Variants in AASDH observed in about 807,000 individuals in gnomAD.
AASDH encodes aminoadipate-semialdehyde dehydrogenase, also known as beta-alanine-activating enzyme.
A neutral mutation model predicts 102.3 loss-of-function variants in AASDH; 81 were observed. That is an observed-to-expected ratio of 0.79 (90% CI 0.66 to 0.95). AASDH has a LOEUF of 0.95. Among genes scored for constraint, AASDH ranks in the 40% least tolerant of loss-of-function variants. The probability of loss-of-function intolerance (pLI) is 0.00; values close to 1 mark genes in which losing one functional copy is unlikely to be tolerated. For synonymous variants in AASDH, 398 were observed against 454.0 expected (o/e 0.88, Z 1.57); for missense variants, 1,203 against 1,266.2 (o/e 0.95, Z 0.76).
chr4:56,351,494 A>T (rs1748992645), intron 9 of AASDH, 37 bp from the exon 10 acceptor site: 1 of 1,205,850 alleles, frequency 8.3e-7, no homozygotes, highest in Non-Finnish European at 1.2e-6. Context: ...GTTTTAAAAC[A>T]TTTTAAAATT....
Position 56,342,976 on chromosome 4 carries a change from GA to G in AASDH, c.2776-11del. On this transcript the variant is annotated splice_polypyrimidine_tract_variant and intron_variant, in intron 13 of 14. Coordinates refer to ENST00000205214, the MANE Select transcript of AASDH (RefSeq NM_181806.4). ...TAACGTTCCCAGTAGCCTGTCACAG[GA>G]AAAAGCAATTCACAGCATTTTATGT... 3.8e-6 allele frequency: 6 copies of G among 1,561,614 alleles called. No individual in the cohort carries two copies. Among genetic ancestry groups the G allele is most frequent in the Admixed American group, 1.9e-5 (1 of 51,312 alleles).
Position 56,343,643 on chromosome 4 carries a change from G to A in AASDH, c.2694C>T (p.Val898=). The part of the protein sequence containing the change: ...CVWKSKCGGT[V]FSSPCLNLIP... Reference sequence around the variant, plus strand: ...TCAGGTTCAAACACGGAGAGGAAAAGACAGTTCCTCCACATTTTGACTTCC... The same window carrying A: ...TCAGGTTCAAACACGGAGAGGAAAAAACAGTTCCTCCACATTTTGACTTCC... Residue 898 remains valine (V), a synonymous_variant, in exon 13 of 15, where the codon GTC becomes GTT. Coordinates refer to ENST00000205214, the MANE Select transcript of AASDH (RefSeq NM_181806.4). 1 of 1,610,600 alleles carries A rather than the reference G, an allele frequency of 6.2e-7. No homozygotes were observed. Among genetic ancestry groups the A allele is most frequent in the Non-Finnish European group, 8.5e-7 (1 of 1,178,230 alleles).
intron 14 of AASDH, among the ~76,000 whole-genome samples, chr4:56,341,622 C>T (rs1251192397): frequency 3.4e-5 from 5 of 147,916 alleles, no homozygotes; most frequent in African/African-American, 1.0e-4. Flanking sequence ...AGGATGGTCT[C>T]GATCTCCTGA....
intron 3 of AASDH, chr4:56,381,613 G>C (rs1440037213): frequency 7.0e-6 from 1 of 142,374 alleles, no homozygotes; most frequent in Admixed American, 7.3e-5. Flanking sequence ...TGAGTCTCTA[G>C]AAAGTCCCCC....
Position 56,338,374 on chromosome 4 carries a change from T to G in AASDH, c.*28A>C, listed in dbSNP as rs1747110297. 3.8e-6 allele frequency: 6 copies of G among 1,590,032 alleles called. No homozygotes were observed. The highest frequency in any genetic ancestry group is 5.1e-6 in the Non-Finnish European group (6 of 1,168,192). ...TAAAATATTTTCAAATATCTCACATTTGTTATACAAATAAGGACTGTATTT... is the reference window on the plus strand; with the variant it reads ...TAAAATATTTTCAAATATCTCACATGTGTTATACAAATAAGGACTGTATTT... On this transcript the variant is annotated 3_prime_UTR_variant, in exon 15 of 15. Coordinates refer to ENST00000205214, the MANE Select transcript of AASDH (RefSeq NM_181806.4).
intron 5 of AASDH, among the ~76,000 whole-genome samples, chr4:56,362,881 C>T (rs1257408122): frequency 6.6e-6 from 1 of 152,098 alleles, no homozygotes; most frequent in Non-Finnish European, 1.5e-5. Flanking sequence ...GAGTGCCGGA[C>T]AGTGGGTGCA....
rs752424367 is a variant in AASDH at position 56,384,143 on chromosome 4, A to G, written c.157T>C (p.Cys53Arg). The change falls in exon 2 of 15, where the codon TGT becomes CGT. Residue 53 changes from cysteine to arginine, a missense_variant. Physicochemically the swap from Cys to Arg is radical, Grantham distance 180. Coordinates refer to ENST00000205214, the MANE Select transcript of AASDH (RefSeq NM_181806.4). ...SELSNFLLLH[C>R]DFQGIREIGL... ...ATTTCCCGAATTCCTTGAAAGTCACAGTGTAACAGCAGAAAATTTGATAAT... is the reference window on the plus strand; with the variant it reads ...ATTTCCCGAATTCCTTGAAAGTCACGGTGTAACAGCAGAAAATTTGATAAT... The G allele has an allele frequency of 1.1e-5, 18 of 1,614,078 alleles. No homozygotes were observed. The highest frequency in any genetic ancestry group is 1.7e-5 in the Admixed American group (1 of 60,006).
At chr4:56,356,871 G>A (rs1164308120) in intron 5 of AASDH, 5 of 966,636 alleles carry the variant, frequency 5.2e-6, no homozygotes, top group South Asian at 1.3e-5. Context: ...CCAAGTCTGT[G>A]GCTCGCATCG....
Position 56,387,420 on chromosome 4 carries a change from G to A in AASDH, c.-101C>T, listed in dbSNP as rs1753702381. The A allele has an allele frequency of 6.6e-6, 1 of 152,196 alleles. No homozygotes were observed. Among genetic ancestry groups the A allele is most frequent in the South Asian group, 2.1e-4 (1 of 4,834 alleles). 9.4% of individuals were successfully genotyped at this position (152,196 alleles called of 1,614,324 possible). On this transcript the variant is annotated 5_prime_UTR_variant, in exon 1 of 15. Coordinates refer to ENST00000205214, the MANE Select transcript of AASDH (RefSeq NM_181806.4). ...TCGGCCCTTTCCCGGATAGCTCGTC[G>A]CGGATACTTCTCACAGCGAAGCAGC... is the stretch of plus-strand genomic sequence containing the variant.
chr4:56,356,632 G>C, intron 5 of AASDH: 13 of 699,036 alleles, frequency 1.9e-5, no homozygotes, highest in South Asian at 1.2e-4. Context: ...CGAGTTGGTT[G>C]TCTTCTTGCC....
rs200447629 is a variant in AASDH at position 56,338,551 on chromosome 4, A to G, written c.3148T>C (p.Leu1050=). The G allele has an allele frequency of 6.2e-7, 1 of 1,613,920 alleles. No individual in the cohort carries two copies. Among genetic ancestry groups the G allele is most frequent in the Admixed American group, 1.7e-5 (1 of 59,978 alleles). ...AASTDGKVWI[L]ESQSGQLQSV... ...TGCAATTGTCCACTCTGAGATTCCA[A>G]GATCCACACTTTCCCATCAGTAGAT... is the stretch of plus-strand genomic sequence containing the variant. Residue 1050 remains leucine (L), a synonymous_variant, in exon 15 of 15, where the codon TTG becomes CTG. Coordinates refer to ENST00000205214, the MANE Select transcript of AASDH (RefSeq NM_181806.4).
intron 14 of AASDH, among the ~76,000 whole-genome samples, chr4:56,339,732 TAGTG>T (rs558145359): frequency 0.013 from 1,718 of 134,532 alleles, 21 homozygotes; most frequent in Non-Finnish European, 0.02. Flanking sequence ...CCCTGGGCGA[TAGTG>T]AGACCTTGTT....
intron 1 of AASDH, among the ~76,000 whole-genome samples, chr4:56,384,984 G>GA (rs1753388854): frequency 6.6e-6 from 1 of 152,156 alleles, no homozygotes; most frequent in Non-Finnish European, 1.5e-5. Context: ...TGAGGCAGGC[G>GA]AATCACTTGA....
At chr4:56,369,376 A>T (rs951415551) in intron 5 of AASDH, among the ~76,000 whole-genome samples, 2 of 152,210 alleles carry the variant, frequency 1.3e-5, no homozygotes, top group African/African-American at 4.8e-5. Context: ...TTACAGGTAA[A>T]TAAAACAGTT....
chr4:56,354,022 TA>T lies in AASDH; in HGVS notation c.1383+16del. 6.3e-7 allele frequency: 1 copy of T among 1,590,644 alleles called. No homozygotes were observed. The highest frequency in any genetic ancestry group is 2.2e-5 in the East Asian group (1 of 44,554). ...CTTACATATATTAATAGATATTCAA[TA>T]TTTAAATAGTTCTACCTGTTGCACA... On this transcript the variant is annotated intron_variant, in intron 8 of 14. Transcript: ENST00000205214.
In AASDH at chr4:56,343,654, C is replaced by T. The variant is rs1747972760; in HGVS notation, c.2683G>A (p.Gly895Arg). Residue 895 changes from glycine (G) to arginine (R), a missense_variant, in exon 13 of 15, where the codon GGA becomes AGA. Gly to Arg is a moderately radical substitution (Grantham distance 125). Coordinates refer to ENST00000205214, the MANE Select transcript of AASDH (RefSeq NM_181806.4). ...CACGGAGAGGAAAAGACAGTTCCTCCACATTTTGACTTCCAAACACACTTC... is the reference window on the plus strand; with the variant it reads ...CACGGAGAGGAAAAGACAGTTCCTCTACATTTTGACTTCCAAACACACTTC... ...RKKCVWKSKC[G>R]GTVFSSPCLN... The T allele has an allele frequency of 6.2e-7, 1 of 1,609,056 alleles. No homozygotes were observed. Among genetic ancestry groups the T allele is most frequent in the African/African-American group, 1.3e-5 (1 of 74,774 alleles).
Position 56,355,287 on chromosome 4 carries a change from C to G in AASDH, c.998G>C (p.Gly333Ala), listed in dbSNP as rs199568800. ...PSLTVLRSWR[G>A]EGNKTQIFNV... ...AAATATTTGTGTTTTATTGCCTTCT[C>G]CTCTCCAGCTTCTGAGAACTGTCAA... Residue 333 changes from glycine to alanine, a missense_variant, in exon 6 of 15, where the codon GGA (glycine) becomes GCA (alanine). By Grantham distance (60) the Gly-to-Ala change is moderately conservative. Coordinates refer to ENST00000205214, the MANE Select transcript of AASDH (RefSeq NM_181806.4). 1.2e-4 allele frequency: 195 copies of G among 1,614,012 alleles called. No homozygotes were observed. Among genetic ancestry groups the G allele is most frequent in the Non-Finnish European group, 1.6e-4 (186 of 1,180,026 alleles).
At position 56,349,818 on chromosome 4, in the gene AASDH, T is replaced by C. The variant is rs1167177566; in HGVS notation, c.1933A>G (p.Lys645Glu). ...TGATTAATGTCGCTGAGTTTCCTTTTTGTGGCACAACTCTTCCTGAATGTC... is the reference window on the plus strand; with the variant it reads ...TGATTAATGTCGCTGAGTTTCCTTTCTGTGGCACAACTCTTCCTGAATGTC... ...DVTFRKSCAT[K>E]RKLSDINQEE... Residue 645 changes from lysine to glutamate, a missense_variant, in exon 11 of 15, where the codon AAA becomes GAA. Transcript: ENST00000205214. 1.2e-6 allele frequency: 2 copies of C among 1,614,082 alleles called. No homozygotes were observed. Among genetic ancestry groups the C allele is most frequent in the Non-Finnish European group, 8.5e-7 (1 of 1,180,032 alleles).
intron 7 of AASDH, 45 bp downstream of exon 7, chr4:56,354,660 A>G: frequency 1.4e-6 from 2 of 1,407,796 alleles, no homozygotes; most frequent in East Asian, 2.3e-5. Context: ...ACATCAGATC[A>G]TTTTTCTTGA....
Sources: allele counts gnomAD v4.1 joint callset (sites outside exome capture counted in the v4.1 genomes callset), GRCh38; gene constraint gnomAD v4.1.1; transcripts MANE v1.5; gene names NCBI Gene and HGNC (gene_info 2026-07-23, HGNC 2026-07-21).